Variants in HPGD observed in about 807,000 individuals in gnomAD.
HPGD encodes the protein 15-hydroxyprostaglandin dehydrogenase [NAD(+)].
In HPGD, 29 loss-of-function variants were observed where a neutral mutation model predicts 30.0. That is an observed-to-expected ratio of 0.97 (90% CI 0.72 to 1.32). The LOEUF (loss-of-function observed/expected upper bound fraction) is 1.32, where lower values mean the gene tolerates loss of function less well. Among genes scored for constraint, HPGD ranks in the 40% most tolerant of loss-of-function variants. The probability of loss-of-function intolerance (pLI) is 0.00; values close to 1 mark genes in which losing one functional copy is unlikely to be tolerated. For missense variants in HPGD, 340 were observed against 322.1 expected, an observed-to-expected ratio of 1.06 and a Z score of -0.43; for synonymous variants, 99 against 112.4, an observed-to-expected ratio of 0.88 and a Z score of 0.75.
At chr4:174,511,557 ATT>A (rs2110845765) in intron 3 of HPGD, among the ~76,000 whole-genome samples, 1 of 152,354 alleles carries the variant, frequency 6.6e-6, no homozygotes, top group East Asian at 1.9e-4. Flanking sequence ...TCCAATCAAT[ATT>A]CAAAGTTAAG....
At chr4:174,502,547 G>T (rs547528314) in intron 4 of HPGD, among the ~76,000 whole-genome samples, 32 of 152,088 alleles carry the variant, frequency 2.1e-4, no homozygotes, top group Admixed American at 5.2e-4. Context: ...GCGTGGTGGC[G>T]GGCGCCTGTA....
At chr4:174,513,677 C>G (rs181583018) in intron 3 of HPGD, among the ~76,000 whole-genome samples, 20 of 151,912 alleles carry the variant, frequency 1.3e-4, no homozygotes, top group Admixed American at 2.6e-4. Context: ...AATAAACCAT[C>G]AGCAACAACA....
intron 2 of HPGD, among the ~76,000 whole-genome samples, chr4:174,520,837 G>T (rs1363933110): frequency 1.3e-5 from 2 of 152,088 alleles, no homozygotes; most frequent in African/African-American, 4.8e-5. Flanking sequence ...CTTGCATTGT[G>T]TTTACAAATC....
In HPGD at chr4:174,490,747, A is replaced by G. The variant is rs926553473; in HGVS notation, c.*1209T>C. 1 of 152,332 alleles carries G rather than the reference A, an allele frequency of 6.6e-6. No individual in the cohort carries two copies. Among genetic ancestry groups the G allele is most frequent in the Non-Finnish European group, 1.5e-5 (1 of 68,020 alleles). 9.4% of individuals were successfully genotyped at this position (152,332 alleles called of 1,614,324 possible). ...GGAAATCCATATCAATCTCACATGG[A>G]AAGATTTGGCTTCAAGCTGGGAGGT... On this transcript the variant is annotated 3_prime_UTR_variant, in exon 7 of 7. Transcript: ENST00000296522. This position sits in a 1 kb window ranked among gnomAD's most constrained non-coding sequence, Gnocchi z 4.4.
At chr4:174,521,772 A>T in intron 2 of HPGD, among the ~76,000 whole-genome samples, 172 bp downstream of exon 2, 1 of 152,326 alleles carries the variant, frequency 6.6e-6, no homozygotes, top group East Asian at 1.9e-4. Flanking sequence ...TTTTACAGCT[A>T]TTGGGCTGTC....
At chr4:174,513,423 T>A (rs1392606037) in intron 3 of HPGD, among the ~76,000 whole-genome samples, 1 of 151,910 alleles carries the variant, frequency 6.6e-6, no homozygotes, top group Non-Finnish European at 1.5e-5. Context: ...TCTTAATAAG[T>A]CAGGGGTATC....
At chr4:174,513,011 C>T (rs2555632) in intron 3 of HPGD, among the ~76,000 whole-genome samples, 108,299 of 152,084 alleles carry the variant, frequency 0.71, 38,915 homozygotes, top group East Asian at 0.96. Context: ...TCTGTAACTT[C>T]GTAATATTTG....
intron 4 of HPGD, among the ~76,000 whole-genome samples, chr4:174,505,038 T>C (rs908904670): frequency 2.6e-5 from 4 of 152,216 alleles, no homozygotes; most frequent in African/African-American, 9.6e-5. Flanking sequence ...GAAAAGTCCA[T>C]GTGGGTTAAC....
Position 174,492,953 on chromosome 4 carries a change from A to T in HPGD, c.662+198T>A, listed in dbSNP as rs1280927142. Among the ~76,000 whole-genome samples, 1 of 152,110 alleles carries T rather than the reference A, an allele frequency of 6.6e-6. No homozygotes were observed. Among genetic ancestry groups the T allele is most frequent in the Non-Finnish European group, 1.5e-5 (1 of 67,972 alleles). On this transcript the variant is annotated intron_variant, in intron 6 of 6. Transcript: ENST00000296522. The surrounding 1 kb of genome is among the most constrained non-coding windows in gnomAD (Gnocchi z 4.9). ...TGAAGCATTTTACATATTTCAAAGT[A>T]ACATTCATAATGTATAAACTTACAT...
intron 2 of HPGD, 64 bp from the exon 3 acceptor site, chr4:174,518,141 C>A: frequency 1.2e-6 from 1 of 817,032 alleles, no homozygotes; most frequent in Admixed American, 2.0e-5. Flanking sequence ...TAAATCATGT[C>A]CTATGCCATG....
At chr4:174,493,066 T>TAAGCTTATACAGTTGAGAAATGAACAC in intron 6 of HPGD, 85 bp downstream of exon 6, 1 of 1,252,042 alleles carries the variant, frequency 8.0e-7, no homozygotes, top group South Asian at 1.4e-5. Context: ...CTCAACTGTA[T>TAAGCTTATACAGTTGAGAAATGAACAC]AAGCTTATTT....
At chr4:174,502,017 A>C (rs938654318) in intron 4 of HPGD, among the ~76,000 whole-genome samples, 1 of 152,252 alleles carries the variant, frequency 6.6e-6, no homozygotes, top group African/African-American at 2.4e-5. Flanking sequence ...AAAAATGCTG[A>C]AAATTCAACT....
At chr4:174,503,373 A>G (rs988783549) in intron 4 of HPGD, among the ~76,000 whole-genome samples, 1 of 152,206 alleles carries the variant, frequency 6.6e-6, no homozygotes, top group African/African-American at 2.4e-5. Flanking sequence ...TAATTCCCAC[A>G]TTCTTCAAGA....
At chr4:174,521,901 T>A (rs370915455) in intron 2 of HPGD, 43 bp downstream of exon 2, 6 of 1,609,924 alleles carry the variant, frequency 3.7e-6, no homozygotes, top group Non-Finnish European at 4.2e-6. Flanking sequence ...TGTTGCTTGT[T>A]GAGAGCACGT....
At chr4:174,499,855 C>T (rs1003328410) in intron 4 of HPGD, among the ~76,000 whole-genome samples, 6 of 148,274 alleles carry the variant, frequency 4.0e-5, no homozygotes, top group Admixed American at 6.8e-5. Context: ...CAGAGATATA[C>T]CTGGTCCTCT....
At chr4:174,514,138 A>T (rs903111420) in intron 3 of HPGD, among the ~76,000 whole-genome samples, 1 of 152,160 alleles carries the variant, frequency 6.6e-6, no homozygotes, top group African/African-American at 2.4e-5. Flanking sequence ...AATTAAAAAA[A>T]TTCAATGGTA....
chr4:174,512,576 A>G (rs900973869), intron 3 of HPGD, among the ~76,000 whole-genome samples: 1 of 152,172 alleles, frequency 6.6e-6, no homozygotes, highest in Admixed American at 6.5e-5. Context: ...AGTTATATAA[A>G]CTACACACAA....
Position 174,493,625 on chromosome 4 carries a change from A to G in HPGD, c.499-311T>C, listed in dbSNP as rs45498493. Among the ~76,000 whole-genome samples, 190 of 152,304 alleles carry G rather than the reference A, an allele frequency of 1.2e-3. 2 individuals carry two copies. The highest frequency in any genetic ancestry group is 4.4e-3 in the African/African-American group (181 of 41,588). On this transcript the variant is annotated intron_variant, in intron 5 of 6. Transcript: ENST00000296522. ...GCCTGAAGCTAAGTAGCTGAGACTT[A>G]GAATCGATATCCCAAGTGTTATTTC... is the stretch of plus-strand genomic sequence containing the variant.
intron 4 of HPGD, chr4:174,507,916 C>T: frequency 2.0e-6 from 1 of 507,342 alleles, no homozygotes; most frequent in Non-Finnish European, 3.6e-6. Context: ...TTCTCTTAGG[C>T]ACACAGCTAG....
Sources: allele counts gnomAD v4.1 joint callset (sites outside exome capture counted in the v4.1 genomes callset), GRCh38; gene constraint gnomAD v4.1.1; non-coding constraint Gnocchi (gnomAD v3.1); transcripts MANE v1.5; gene names NCBI Gene and HGNC (gene_info 2026-07-23, HGNC 2026-07-21).